The following PRELID2 variants were observed in gnomAD, a reference collection of about 807,000 sequenced individuals.
PRELID2 encodes the protein PRELI domain containing 2.
Under a neutral mutation model 28.4 loss-of-function variants are expected in PRELID2, and 25 were observed. The observed-to-expected ratio is 0.88, with a 90% CI of 0.64 to 1.23. The LOEUF is 1.23. PRELID2 is among the 50% of genes most tolerant of loss of function. The probability of loss-of-function intolerance (pLI) is 0.00; values close to 1 mark genes in which losing one functional copy is unlikely to be tolerated. For synonymous variants in PRELID2, 76 were observed against 71.6 expected, an observed-to-expected ratio of 1.06 and a Z score of -0.31; for missense variants, 201 against 214.4, an observed-to-expected ratio of 0.94 and a Z score of 0.39.
intron 1 of PRELID2, among the ~76,000 whole-genome samples, chr5:145,698,976 CT>C (rs1755345721): frequency 6.6e-6 from 1 of 152,204 alleles, no homozygotes; most frequent in South Asian, 2.1e-4. Flanking sequence ...ATCCACCCGC[CT>C]CAGCCTCCCA....
intron 1 of PRELID2, among the ~76,000 whole-genome samples, chr5:145,672,560 A>G (rs1421564044): frequency 6.6e-6 from 1 of 151,750 alleles, no homozygotes; most frequent in Non-Finnish European, 1.5e-5. Context: ...CTGTATAGCC[A>G]CCTTCTGTCT....
the PRELID2 span, among the ~76,000 whole-genome samples, chr5:145,275,965 T>C: frequency 6.6e-6 from 1 of 152,118 alleles, no homozygotes; most frequent in Non-Finnish European, 1.5e-5. Context: ...CACGTAGATG[T>C]ACATAACTAG....
At chr5:145,588,716 C>T (rs1402711111) in intron 1 of PRELID2, among the ~76,000 whole-genome samples, 1 of 151,948 alleles carries the variant, frequency 6.6e-6, no homozygotes, top group African/African-American at 2.4e-5. Context: ...ATGCCTTTGC[C>T]CAATCTGAGA....
At chr5:145,360,294 A>C in the PRELID2 span, among the ~76,000 whole-genome samples, 2 of 152,204 alleles carry the variant, frequency 1.3e-5, no homozygotes, top group Admixed American at 6.5e-5. Flanking sequence ...CAGTCCTGAC[A>C]TTTCTAAGGC....
At chr5:145,738,369 A>T (rs1330883051) in intron 1 of PRELID2, among the ~76,000 whole-genome samples, 2 of 152,240 alleles carry the variant, frequency 1.3e-5, no homozygotes, top group African/African-American at 4.8e-5. Flanking sequence ...CATTAAGATG[A>T]CAGACACATT....
intron 1 of PRELID2, among the ~76,000 whole-genome samples, chr5:145,742,315 TA>T (rs1756850356): frequency 9.5e-6 from 1 of 104,900 alleles, no homozygotes; most frequent in Non-Finnish European, 1.8e-5. Context: ...TATATATAAA[TA>T]AAAATAGATA....
the PRELID2 span, among the ~76,000 whole-genome samples, chr5:145,454,376 A>G: frequency 4.6e-5 from 7 of 152,312 alleles, no homozygotes; most frequent in East Asian, 1.9e-4. Context: ...GCACAAGACA[A>G]GGATGCCCTC....
intron 5 of PRELID2, among the ~76,000 whole-genome samples, chr5:145,768,715 A>G (rs1757925985): frequency 6.6e-6 from 1 of 152,188 alleles, no homozygotes; most frequent in Non-Finnish European, 1.5e-5. Flanking sequence ...GACCTCCACC[A>G]CTTATTGAAC....
chr5:145,279,093 C>T, the PRELID2 span, among the ~76,000 whole-genome samples: 1 of 152,134 alleles, frequency 6.6e-6, no homozygotes, highest in Non-Finnish European at 1.5e-5. Context: ...AAAGAGTTCT[C>T]AGTTTCTGCA....
chr5:145,727,555 G>A (rs1398180879), intron 1 of PRELID2, among the ~76,000 whole-genome samples: 4 of 152,022 alleles, frequency 2.6e-5, no homozygotes, highest in African/African-American at 7.3e-5. Flanking sequence ...TCTTGATGAC[G>A]GCTTTCTCTT....
the PRELID2 span, among the ~76,000 whole-genome samples, chr5:145,269,421 T>C: frequency 6.6e-6 from 1 of 151,998 alleles, no homozygotes. Flanking sequence ...CTAAAGATAC[T>C]GGACAACTGG....
At chr5:145,426,045 G>A in the PRELID2 span, among the ~76,000 whole-genome samples, 2 of 151,986 alleles carry the variant, frequency 1.3e-5, no homozygotes, top group African/African-American at 2.4e-5. Context: ...TGAATTAAAC[G>A]TGGTGATTGT....
At chr5:145,443,820 G>C in the PRELID2 span, among the ~76,000 whole-genome samples, 1 of 152,048 alleles carries the variant, frequency 6.6e-6, no homozygotes, top group African/African-American at 2.4e-5. Flanking sequence ...AGCAGAGCCA[G>C]AAATTAAAGT....
intron 4 of PRELID2, among the ~76,000 whole-genome samples, chr5:145,801,108 A>G (rs74802659): frequency 0.041 from 6,209 of 152,232 alleles, 396 homozygotes; most frequent in African/African-American, 0.14. Flanking sequence ...TCTTTTTAGT[A>G]GTTTATAAAT....
intron 1 of PRELID2, among the ~76,000 whole-genome samples, chr5:145,635,982 T>C (rs1581016982): frequency 6.6e-6 from 1 of 152,152 alleles, no homozygotes; most frequent in African/African-American, 2.4e-5. Context: ...GAACCATGAG[T>C]GTGGACTCTT....
At chr5:145,312,309 C>A in the PRELID2 span, among the ~76,000 whole-genome samples, 2 of 152,110 alleles carry the variant, frequency 1.3e-5, no homozygotes, top group South Asian at 2.1e-4. Flanking sequence ...CAAGATCATG[C>A]CACTGCACTT....
At chr5:145,523,847 A>T (rs1394289054) in intron 1 of PRELID2, among the ~76,000 whole-genome samples, 1 of 152,150 alleles carries the variant, frequency 6.6e-6, no homozygotes, top group East Asian at 1.9e-4. Context: ...AAATTACTTT[A>T]AACTTTTCTT....
At chr5:145,697,352 A>G (rs2149700373) in intron 1 of PRELID2, among the ~76,000 whole-genome samples, 1 of 152,064 alleles carries the variant, frequency 6.6e-6, no homozygotes, top group East Asian at 1.9e-4. Flanking sequence ...AGCAAACTCA[A>G]CGAGGCTAAG....
chr5:145,589,760 C>G (rs1753203123), intron 1 of PRELID2, among the ~76,000 whole-genome samples: 1 of 152,074 alleles, frequency 6.6e-6, no homozygotes, highest in Admixed American at 6.6e-5. Context: ...TTAGAAAATT[C>G]TTTCCTACAC....
Sources: gnomAD v4.1 joint callset for allele counts (sites outside exome capture counted in the v4.1 genomes callset) on GRCh38, gnomAD v4.1.1 for gene constraint, MANE v1.5 for transcripts, NCBI Gene and HGNC (gene_info 2026-07-23, HGNC 2026-07-21) for gene names.